NCKAP5: variants seen among roughly 807,000 people sequenced by gnomAD.
NCKAP5 encodes the protein NCK associated protein 5, also known as nck-associated protein 5.
NCKAP5 carries 92 observed loss-of-function variants against 167.0 expected under a neutral mutation model. The observed-to-expected ratio is 0.55, with a 90% CI of 0.47 to 0.66. NCKAP5 has a LOEUF of 0.66. NCKAP5 is among the 30% of genes least tolerant of loss of function. NCKAP5 has a pLI of 0.00. For missense variants in NCKAP5, 2,378 were observed against 2,315.0 expected (o/e 1.03, Z -0.56); for synonymous variants, 891 against 877.4 (o/e 1.02, Z -0.27).
At chr2:133,420,393 GT>G (rs1457674650) in intron 3 of NCKAP5, among the ~76,000 whole-genome samples, 2 of 152,230 alleles carry the variant, frequency 1.3e-5, no homozygotes, top group African/African-American at 4.8e-5. Flanking sequence ...TATACGAAAT[GT>G]CCAGAATAGG....
At position 133,483,294 on chromosome 2, in the gene NCKAP5, C is replaced by G. The variant is rs143816735; in HGVS notation, c.69+34164G>C. 9.2e-4 allele frequency among the ~76,000 whole-genome samples: 140 copies of G among 152,270 alleles called. 2 individuals are homozygous for G. The highest frequency in any genetic ancestry group is 3.2e-3 in the African/African-American group (135 of 41,564). Reference sequence around the variant, plus strand: ...CTTAATCTGTTGTATCTTTTACTGTCATGATTTCACCAGATGTGCAAGTCT... The same window carrying G: ...CTTAATCTGTTGTATCTTTTACTGTGATGATTTCACCAGATGTGCAAGTCT... On this transcript the variant is annotated intron_variant, in intron 3 of 19. Transcript: ENST00000409261.
At chr2:132,809,893 C>T (rs190205545) in intron 11 of NCKAP5, among the ~76,000 whole-genome samples, 113 of 152,238 alleles carry the variant, frequency 7.4e-4, no homozygotes, top group African/African-American at 2.5e-3. Flanking sequence ...GTGATTTATG[C>T]TTTCAAGAGG....
chr2:133,558,022 T>A (rs1687867385), intron 2 of NCKAP5: 2 of 152,250 alleles, frequency 1.3e-5, no homozygotes, highest in African/African-American at 4.8e-5. Context: ...CCCTTCACTT[T>A]GCAGATGGGA....
intron 8 of NCKAP5, among the ~76,000 whole-genome samples, chr2:132,960,935 A>G (rs547994747): frequency 6.6e-6 from 1 of 152,188 alleles, no homozygotes; most frequent in Non-Finnish European, 1.5e-5. Flanking sequence ...TCATTTCAAA[A>G]ATACGCTGAT....
intron 3 of NCKAP5, among the ~76,000 whole-genome samples, chr2:133,475,493 T>C (rs892607072): frequency 5.9e-5 from 9 of 152,238 alleles, no homozygotes; most frequent in Non-Finnish European, 1.2e-4. Flanking sequence ...AACTTCTTTT[T>C]TTCTTATTTT....
chr2:132,756,911 A>G (rs1319363259), intron 16 of NCKAP5, among the ~76,000 whole-genome samples: 5 of 152,206 alleles, frequency 3.3e-5, no homozygotes, highest in African/African-American at 1.2e-4. Context: ...GAGCTGACAC[A>G]ATGGAGTTAC....
At position 132,831,882 on chromosome 2, in the gene NCKAP5, C is replaced by T. The variant is rs573583152; in HGVS notation, c.807+28610G>A. Among the ~76,000 whole-genome samples the T allele has an allele frequency of 1.5e-4, 23 of 152,126 alleles. No homozygotes were observed. In the South Asian group the frequency reaches 4.6e-3, roughly 30 times the overall value. ...CATCAGGGAATTTACTTGTGCTTAT[C>T]TTGTTACAGCTATAATGAATTTTTT... On this transcript the variant is annotated intron_variant, in intron 11 of 19. Coordinates refer to ENST00000409261, the MANE Select transcript of NCKAP5 (RefSeq NM_207363.3).
intron 16 of NCKAP5, among the ~76,000 whole-genome samples, chr2:132,749,142 C>A (rs1449122960): frequency 2.0e-5 from 3 of 152,036 alleles, no homozygotes; most frequent in African/African-American, 4.8e-5. Flanking sequence ...AATACATAGT[C>A]TGATATAATT....
chr2:133,634,214 G>A, the NCKAP5 span, among the ~76,000 whole-genome samples: 1 of 152,122 alleles, frequency 6.6e-6, no homozygotes, highest in Non-Finnish European at 1.5e-5. Flanking sequence ...GAGTCCCGGG[G>A]CGCTAACTAA....
chr2:133,043,859 T>C (rs1034051544), intron 6 of NCKAP5, among the ~76,000 whole-genome samples: 4 of 149,972 alleles, frequency 2.7e-5, no homozygotes, highest in African/African-American at 9.9e-5. Flanking sequence ...CTTGGAATTC[T>C]GTAATAGTTT....
intron 1 of NCKAP5, among the ~76,000 whole-genome samples, chr2:133,564,949 C>T (rs1048722150): frequency 6.6e-6 from 1 of 152,134 alleles, no homozygotes; most frequent in Non-Finnish European, 1.5e-5. Flanking sequence ...CAGGTGTGCC[C>T]TCGTGAGACA....
At chr2:133,155,119 C>T (rs2083525794) in intron 5 of NCKAP5, among the ~76,000 whole-genome samples, 1 of 152,184 alleles carries the variant, frequency 6.6e-6, no homozygotes, top group Admixed American at 6.5e-5. Context: ...TACTCTCTCC[C>T]ACTCTGATTC....
chr2:133,199,996 A>G (rs891849928), intron 5 of NCKAP5, among the ~76,000 whole-genome samples: 2 of 151,256 alleles, frequency 1.3e-5, no homozygotes, highest in African/African-American at 4.8e-5. Context: ...CGAAGACCCA[A>G]CAGAACTAAT....
chr2:133,276,820 A>G (rs939361226), intron 4 of NCKAP5, among the ~76,000 whole-genome samples: 2 of 152,128 alleles, frequency 1.3e-5, no homozygotes, highest in African/African-American at 4.8e-5. Context: ...ATGTAACACT[A>G]CATTAAAAAA....
chr2:133,435,089 A>C (rs192023545), intron 3 of NCKAP5, among the ~76,000 whole-genome samples: 70 of 152,306 alleles, frequency 4.6e-4, no homozygotes, highest in Non-Finnish European at 9.1e-4. Flanking sequence ...TGACTATTAC[A>C]CCATCTGGGA....
At chr2:133,384,851 T>C (rs1419840662) in intron 3 of NCKAP5, among the ~76,000 whole-genome samples, 5 of 152,242 alleles carry the variant, frequency 3.3e-5, no homozygotes, top group African/African-American at 1.2e-4. Context: ...GCTGTTTGTC[T>C]GTTATTGGTG....
intron 5 of NCKAP5, among the ~76,000 whole-genome samples, chr2:133,157,958 T>G (rs1295347887): frequency 6.6e-6 from 1 of 152,198 alleles, no homozygotes; most frequent in Non-Finnish European, 1.5e-5. Context: ...CTCTACCTCA[T>G]GAAACACTGA....
At chr2:133,456,637 T>C (rs1294051687) in intron 3 of NCKAP5, among the ~76,000 whole-genome samples, 1 of 152,222 alleles carries the variant, frequency 6.6e-6, no homozygotes, top group Non-Finnish European at 1.5e-5. Context: ...TCCTAGTTGA[T>C]GAAATAACCT....
At chr2:132,712,446 TTGGG>T (rs1688946165) in intron 19 of NCKAP5, among the ~76,000 whole-genome samples, 1 of 152,110 alleles carries the variant, frequency 6.6e-6, no homozygotes, top group Admixed American at 6.5e-5. Context: ...GGTCAGGAGA[TTGGG>T]ACCATCCTGG....
Sources: gnomAD v4.1 joint callset for allele counts (sites outside exome capture counted in the v4.1 genomes callset) on GRCh38, gnomAD v4.1.1 for gene constraint, MANE v1.5 for transcripts, NCBI Gene and HGNC (gene_info 2026-07-23, HGNC 2026-07-21) for gene names.